NUDT16L1: variants seen among roughly 807,000 people sequenced by gnomAD.
NUDT16L1 encodes nudix hydrolase 16 like 1.
In NUDT16L1, 19 loss-of-function variants were observed where a neutral mutation model predicts 17.3. The observed-to-expected ratio is 1.10, with a 90% CI of 0.77 to 1.61. The LOEUF (loss-of-function observed/expected upper bound fraction) is 1.61, where lower values mean the gene tolerates loss of function less well. Ranked by LOEUF, NUDT16L1 falls within the 40% of genes most tolerant of loss-of-function variation. The pLI is 0.00. For synonymous variants in NUDT16L1, 255 were observed against 138.6 expected (o/e 1.84, Z -5.90); for missense variants, 341 against 292.0 (o/e 1.17, Z -1.22).
At chr16:4,694,662 T>A (rs561538612) in intron 2 of NUDT16L1, 26 of 1,398,580 alleles carry the variant, frequency 1.9e-5, no homozygotes, top group Non-Finnish European at 2.3e-5. Context: ...GGACTGCGGG[T>A]GTTCAGGCTT....
chr16:4,694,074 C>G, exon 2 of NUDT16L1: 3 of 1,589,940 alleles, frequency 1.9e-6, no homozygotes, highest in Non-Finnish European at 2.6e-6. Flanking sequence ...GGTGCTGGGC[C>G]TGGGCCTGGG....
exon 2 of NUDT16L1, chr16:4,694,007 C>T (rs768839958): frequency 5.1e-6 from 8 of 1,583,596 alleles, no homozygotes; most frequent in East Asian, 2.4e-5. Context: ...GGCTGCTGGG[C>T]TTCCCCGGGG....
At position 4,693,705 on chromosome 16, in the gene NUDT16L1, C is replaced by G; in HGVS notation, c.-22C>G. The G allele has an allele frequency of 5.4e-6, 8 of 1,476,964 alleles. 1 individual carries two copies. The highest frequency in any genetic ancestry group is 2.9e-5 in the East Asian group (1 of 34,160). 91.5% of individuals were successfully genotyped at this position (1,476,964 alleles called of 1,614,324 possible). On this transcript the variant is annotated 5_prime_UTR_variant, in exon 1 of 3. Coordinates refer to ENST00000304301, the Ensembl canonical transcript of NUDT16L1. ...CGCGCATGCTCTTAAGTGGCAGCGG[C>G]GGGGACGGGGTCAGTGCCAAGATGT...
At chr16:4,695,690 G>A (rs759888037) in exon 3 of NUDT16L1, 1 of 404,224 alleles carries the variant, frequency 2.5e-6, no homozygotes, top group Non-Finnish European at 4.4e-6. Context: ...TACTTTGCTA[G>A]ATTTTCTCTT....
At chr16:4,694,584 T>G (rs1319259033) in intron 2 of NUDT16L1, 2 of 1,439,286 alleles carry the variant, frequency 1.4e-6, no homozygotes, top group South Asian at 2.8e-5. Context: ...GCGGGGGTTG[T>G]AAAACTTGGG....
rs1396313367 is a variant in NUDT16L1, at chr16:4,695,295, C to T, written c.*116C>T. 3.0e-6 allele frequency: 3 copies of T among 1,013,728 alleles called. No homozygotes were observed. The African/African-American group carries it at 4.8e-5, about 16-fold the overall frequency. 62.8% of individuals were successfully genotyped at this position (1,013,728 alleles called of 1,614,324 possible). ...CTTCTGACTGCCTAGGGCGAGTGGG[C>T]ATCCTGTCATCATCTCCACTGTCCC... On this transcript the variant is annotated 3_prime_UTR_variant, in exon 3 of 3. Transcript: ENST00000304301.
chr16:4,694,778 A>AG (rs1462837745), intron 2 of NUDT16L1, 180 bp from the exon 3 acceptor site: 20 of 1,419,410 alleles, frequency 1.4e-5, no homozygotes, highest in Non-Finnish European at 1.8e-5. Flanking sequence ...CTTGGGGAGG[A>AG]GGGGGCTGCA....
chr16:4,693,941 C>A, intron 1 of NUDT16L1, 37 bp from the exon 2 acceptor site: 2 of 1,506,332 alleles, frequency 1.3e-6, no homozygotes, highest in Non-Finnish European at 1.8e-6. Context: ...CGGGGGCGTC[C>A]GTCGACCCCG....
At chr16:4,695,390 C>T (rs1046165248) in exon 3 of NUDT16L1, 99 of 603,880 alleles carry the variant, frequency 1.6e-4, no homozygotes, top group African/African-American at 1.5e-3. Context: ...CAGGGTGGTC[C>T]GGGCACACTG....
At chr16:4,694,314 A>G (rs1450856353) in intron 2 of NUDT16L1, 76 bp downstream of exon 2, 1 of 1,480,250 alleles carries the variant, frequency 6.8e-7, no homozygotes, top group Non-Finnish European at 8.9e-7. Context: ...GATGGGTAAC[A>G]CGTCTCCTGA....
chr16:4,695,005 C>T (rs370639745), exon 3 of NUDT16L1: 20 of 1,612,434 alleles, frequency 1.2e-5, no homozygotes, highest in South Asian at 8.8e-5. Context: ...AGGACCGAGT[C>T]GGAGGCTTCC....
Position 4,693,966 on chromosome 16 carries a change from G to T in NUDT16L1, c.154-12G>T. On this transcript the variant is annotated splice_polypyrimidine_tract_variant and intron_variant, in intron 1 of 2. Transcript: ENST00000304301. ...CGTCGACCCCGCGGCTGTGACCCGC[G>T]CTCCCTTGCAGATGCAGATGCGTTT... 1 of 1,548,770 alleles carries T rather than the reference G, an allele frequency of 6.5e-7. No homozygotes were observed. Among genetic ancestry groups the T allele is most frequent in the African/African-American group, 1.4e-5 (1 of 70,038 alleles).
At position 4,694,740 on chromosome 16, in the gene NUDT16L1, G is replaced by C. The variant is rs534579373; in HGVS notation, c.415-218G>C. The stretch of plus-strand genomic sequence containing the variant: ...GGGGTGGCCTGGGTACGAGGGGGGG[G>C]AGTGCATGGGGTCAGCCTCCACACT... On this transcript the variant is annotated intron_variant, in intron 2 of 2. Coordinates refer to ENST00000304301, the Ensembl canonical transcript of NUDT16L1. 60 of 1,423,244 alleles carry C rather than the reference G, an allele frequency of 4.2e-5. No homozygotes were observed. The African/African-American group carries it at 4.8e-4, about 11-fold the overall frequency. The allele number at this position is 1,423,244 out of a possible 1,614,324, so 88.2% of individuals were successfully genotyped here.
exon 2 of NUDT16L1, chr16:4,694,210 C>T (rs1380684810): frequency 1.3e-6 from 2 of 1,535,592 alleles, no homozygotes; most frequent in East Asian, 2.5e-5. Context: ...GAGATCAGCG[C>T]GGTGCACTCG....
chr16:4,695,816 A>G, exon 3 of NUDT16L1: 1 of 381,818 alleles, frequency 2.6e-6, no homozygotes, highest in Non-Finnish European at 4.6e-6. Context: ...CTGTCGAAGG[A>G]GAAGACAATA....
exon 3 of NUDT16L1, chr16:4,695,548 A>G: frequency 2.2e-6 from 1 of 455,838 alleles, no homozygotes; most frequent in Non-Finnish European, 3.9e-6. Context: ...AGAAGATGGG[A>G]TGTGTGGGTG....
exon 1 of NUDT16L1, chr16:4,693,754 A>C (rs1596328963): frequency 6.4e-7 from 1 of 1,555,824 alleles, no homozygotes; most frequent in East Asian, 2.6e-5. Flanking sequence ...TCCGGAGCTG[A>C]AGCAGATCAG....
chr16:4,694,980 C>T (rs757966609), exon 3 of NUDT16L1: 4 of 1,610,958 alleles, frequency 2.5e-6, no homozygotes, highest in Non-Finnish European at 2.5e-6. Flanking sequence ...GTGCGGGTCC[C>T]GCTGTACACC....
chr16:4,695,308 T>A (rs1027631241), exon 3 of NUDT16L1: 18 of 918,842 alleles, frequency 2.0e-5, no homozygotes, highest in Non-Finnish European at 2.6e-5. Flanking sequence ...CCTGTCATCA[T>A]CTCCACTGTC....
Sources: gnomAD v4.1 joint callset for allele counts on GRCh38, gnomAD v4.1.1 for gene constraint, MANE v1.5 for transcripts, NCBI Gene and HGNC (gene_info 2026-07-23, HGNC 2026-07-21) for gene names.